PCDH15: variants seen among roughly 807,000 people sequenced by gnomAD.
PCDH15 encodes the protein protocadherin related 15, also known as protocadherin-15.
A neutral mutation model predicts 178.5 loss-of-function variants in PCDH15; 129 were observed. The ratio of observed to expected loss-of-function variants is 0.72; its 90% confidence interval spans 0.63 to 0.84. The LOEUF (loss-of-function observed/expected upper bound fraction) is 0.84. PCDH15 is among the 40% of genes least tolerant of loss of function. The probability of loss-of-function intolerance (pLI) is 0.00; values close to 1 mark genes in which losing one functional copy is unlikely to be tolerated. For synonymous variants in PCDH15, 800 were observed against 732.0 expected (o/e 1.09, Z -1.50); for missense variants, 2,230 against 2,099.9 (o/e 1.06, Z -1.21).
intron 18 of PCDH15, among the ~76,000 whole-genome samples, chr10:54,042,187 T>G (rs2093562272): frequency 6.6e-6 from 1 of 152,066 alleles, no homozygotes; most frequent in Non-Finnish European, 1.5e-5. Flanking sequence ...TGGGTGATGG[T>G]AAATTCTCTC....
chr10:53,809,240 T>C, intron 37 of PCDH15: 1 of 1,613,952 alleles, frequency 6.2e-7, no homozygotes. Context: ...GTATAGTCGC[T>C]GGAGGATTCC....
chr10:55,027,189 A>G (rs1187087687), intron 2 of PCDH15, among the ~76,000 whole-genome samples: 1 of 151,888 alleles, frequency 6.6e-6, no homozygotes, highest in Non-Finnish European at 1.5e-5. Context: ...ACTACGAGGG[A>G]GTTTTGTGTT....
intron 3 of PCDH15, among the ~76,000 whole-genome samples, chr10:54,428,799 G>A (rs758996899): frequency 6.6e-6 from 1 of 152,118 alleles, no homozygotes; most frequent in Admixed American, 6.6e-5. Context: ...CACATATAAA[G>A]TGCTGAAGGA....
In PCDH15 at chr10:54,240,630, T is replaced by C. The variant is rs1448551574; in HGVS notation, c.877-3699A>G. Among the ~76,000 whole-genome samples the C allele has an allele frequency of 5.1e-4, 69 of 134,456 alleles. 1 individual carries two copies. The highest frequency in any genetic ancestry group is 1.9e-3 in the African/African-American group (68 of 35,924). The allele number at this position is 134,456 out of a possible 152,430, so 88.2% of individuals were successfully genotyped here. On this transcript the variant is annotated intron_variant, in intron 8 of 37. Coordinates refer to ENST00000644397, the MANE Select transcript of PCDH15 (RefSeq NM_001384140.1). ...TCTGTTATTTATTTTCTTTTGCTTT[T>C]TTTTTTTTTTTTTTTTTTTGAGACA...
intron 2 of PCDH15, among the ~76,000 whole-genome samples, chr10:55,522,523 A>T (rs956592153): frequency 1.1e-4 from 16 of 151,778 alleles, no homozygotes; most frequent in African/African-American, 3.9e-4. Flanking sequence ...TATACTTAAA[A>T]TTATTATATT....
chr10:55,145,484 C>T (rs2799608), intron 2 of PCDH15, among the ~76,000 whole-genome samples: 146,733 of 152,048 alleles, frequency 0.97, 70,989 homozygotes, highest in Non-Finnish European at 1. Context: ...TATTAGCCCT[C>T]AAAGCATGTT....
intron 1 of PCDH15, among the ~76,000 whole-genome samples, chr10:55,198,034 T>G (rs762159627): frequency 5.9e-5 from 9 of 151,884 alleles, no homozygotes; most frequent in Non-Finnish European, 1.2e-4. Context: ...CCTCAGGAGG[T>G]AGAAAAAGGA....
chr10:54,419,095 G>A (rs1024036955), intron 3 of PCDH15, among the ~76,000 whole-genome samples: 9 of 151,372 alleles, frequency 5.9e-5, no homozygotes, highest in Non-Finnish European at 5.9e-5. Context: ...ATCTCCCAAG[G>A]GAATATATGG....
chr10:55,437,669 T>TTGG (rs1305065779), intron 2 of PCDH15, among the ~76,000 whole-genome samples: 1 of 152,018 alleles, frequency 6.6e-6, no homozygotes, highest in East Asian at 1.9e-4. Context: ...AAATATGCCA[T>TTGG]CTAACCCTTC....
intron 15 of PCDH15, among the ~76,000 whole-genome samples, chr10:54,127,811 C>G (rs747513912): frequency 3.3e-5 from 5 of 152,108 alleles, no homozygotes; most frequent in Non-Finnish European, 5.9e-5. Context: ...TATTGATCAT[C>G]TTCATTTCTG....
At chr10:54,298,697 C>T (rs998858301) in intron 8 of PCDH15, among the ~76,000 whole-genome samples, 1 of 152,192 alleles carries the variant, frequency 6.6e-6, no homozygotes, top group Non-Finnish European at 1.5e-5. Flanking sequence ...CAGCTCATGT[C>T]ATCACCCTCA....
chr10:54,153,349 G>A (rs947569632), intron 13 of PCDH15, 56 bp from the exon 14 acceptor site: 2 of 1,588,794 alleles, frequency 1.3e-6, no homozygotes, highest in Admixed American at 1.7e-5. Flanking sequence ...TCACCACCAT[G>A]TCGTTTTTTC....
chr10:54,660,322 G>A (rs988856035), intron 2 of PCDH15, among the ~76,000 whole-genome samples: 1 of 152,050 alleles, frequency 6.6e-6, no homozygotes, highest in Non-Finnish European at 1.5e-5. Flanking sequence ...AGTAATCATG[G>A]TAGACTATGA....
chr10:54,651,025 C>G (rs1450440367), intron 2 of PCDH15, among the ~76,000 whole-genome samples: 1 of 151,828 alleles, frequency 6.6e-6, no homozygotes, highest in Non-Finnish European at 1.5e-5. Context: ...AAAAGTGAAC[C>G]CTACAAGCAA....
chr10:54,662,635 A>G (rs996907594), intron 2 of PCDH15, among the ~76,000 whole-genome samples: 1 of 152,008 alleles, frequency 6.6e-6, no homozygotes, highest in Non-Finnish European at 1.5e-5. Flanking sequence ...ATTACAGGTT[A>G]AACCAGAAGT....
intron 2 of PCDH15, among the ~76,000 whole-genome samples, chr10:55,397,226 T>C (rs993319086): frequency 6.6e-6 from 1 of 152,184 alleles, no homozygotes; most frequent in African/African-American, 2.4e-5. Flanking sequence ...GAGGGACAAT[T>C]GAATAATCAG....
chr10:55,567,434 T>TA (rs567268602), intron 2 of PCDH15, among the ~76,000 whole-genome samples: 4,566 of 124,098 alleles, frequency 0.037, 219 homozygotes, highest in African/African-American at 0.12. Context: ...TCACAAAAAG[T>TA]AAAAAAAAAA....
intron 2 of PCDH15, among the ~76,000 whole-genome samples, chr10:55,008,397 C>A (rs1445106532): frequency 6.6e-6 from 1 of 152,140 alleles, no homozygotes; most frequent in East Asian, 1.9e-4. Flanking sequence ...TGGGAATTTA[C>A]AAGGATATCT....
chr10:53,872,336 C>T (rs567108603), intron 26 of PCDH15, among the ~76,000 whole-genome samples: 3 of 152,276 alleles, frequency 2.0e-5, no homozygotes, highest in Admixed American at 2.0e-4. Flanking sequence ...TAAAGAAACA[C>T]TCCATATTTA....
Sources: allele counts gnomAD v4.1 joint callset (sites outside exome capture counted in the v4.1 genomes callset), GRCh38; gene constraint gnomAD v4.1.1; transcripts MANE v1.5; gene names NCBI Gene and HGNC (gene_info 2026-07-23, HGNC 2026-07-21).